CDH8: variants seen among roughly 807,000 people sequenced by gnomAD.
CDH8 encodes cadherin-8.
In CDH8, 17 loss-of-function variants were observed where a neutral mutation model predicts 68.1. The observed-to-expected ratio is 0.25, with a 90% CI of 0.17 to 0.37. The LOEUF is 0.37. CDH8 is among the 10% of genes least tolerant of loss of function. The pLI is 1.00. For missense variants in CDH8, 763 were observed against 999.3 expected, an observed-to-expected ratio of 0.76 and a Z score of 3.19; for synonymous variants, 372 against 365.1, an observed-to-expected ratio of 1.02 and a Z score of -0.21.
At chr16:61,907,500 G>C (rs1370450306) in intron 2 of CDH8, among the ~76,000 whole-genome samples, 3 of 151,924 alleles carry the variant, frequency 2.0e-5, no homozygotes, top group African/African-American at 7.3e-5. Context: ...GCAACAAAGT[G>C]AGACCCTGTA....
At chr16:61,848,385 G>A (rs1404029239) in intron 4 of CDH8, among the ~76,000 whole-genome samples, 2 of 152,012 alleles carry the variant, frequency 1.3e-5, no homozygotes, top group African/African-American at 4.8e-5. Context: ...CTCTAGCTAT[G>A]GTCAACACTG....
chr16:61,679,105 C>T (rs567914008), intron 10 of CDH8, among the ~76,000 whole-genome samples: 46 of 152,086 alleles, frequency 3.0e-4, no homozygotes, highest in Non-Finnish European at 4.6e-4. Flanking sequence ...ACAGAAGTGA[C>T]GTACGTCATT....
At position 61,999,421 on chromosome 16, in the gene CDH8, G is replaced by A. The variant is rs187083593; in HGVS notation, c.252+21731C>T. ...GAGTAAAAGGATCATGAAAATCATG[G>A]AAGTCACAGGCTACTTCCACACAGA... On this transcript the variant is annotated intron_variant, in intron 2 of 11. Coordinates refer to ENST00000577390, the MANE Select transcript of CDH8 (RefSeq NM_001796.5). 2.3e-3 allele frequency among the ~76,000 whole-genome samples: 351 copies of A among 152,222 alleles called. 1 individual carries two copies. The highest frequency in any genetic ancestry group is 8.0e-3 in the African/African-American group (333 of 41,536).
chr16:61,987,453 G>C (rs1965647914), intron 2 of CDH8, among the ~76,000 whole-genome samples: 2 of 152,158 alleles, frequency 1.3e-5, no homozygotes. Flanking sequence ...GTTGCAGTGA[G>C]CCAAGAACAC....
Position 61,817,563 on chromosome 16 carries a change from A to C in CDH8, c.1193T>G (p.Leu398Arg). Residue 398 changes from leucine to arginine, a missense_variant, in exon 7 of 12, where the codon CTT becomes CGT. By Grantham distance (102) the Leu-to-Arg change is moderately radical. This residue lies in a region of CDH8 where 366 missense variants were observed against 563.1 expected (regional missense o/e 0.65). Transcript: ENST00000577390. ...PPVFSSPTYL[L>R]EVHENAALNS... is the part of the protein sequence containing the mutation. Reference sequence around the variant, plus strand: ...TAGAGCAGCATTTTCATGAACTTCAAGTAGGTAAGTCGGTGAAGAGAAGAC... The same window carrying C: ...TAGAGCAGCATTTTCATGAACTTCACGTAGGTAAGTCGGTGAAGAGAAGAC... 6.2e-7 allele frequency: 1 copy of C among 1,614,012 alleles called. No individual in the cohort carries two copies. Among genetic ancestry groups the C allele is most frequent in the Non-Finnish European group, 8.5e-7 (1 of 1,179,948 alleles).
At position 61,651,300 on chromosome 16, in the gene CDH8, T is replaced by C. The variant is rs905641073; in HGVS notation, c.*2308A>G. The stretch of plus-strand genomic sequence containing the variant: ...TTAGACACTGTGCCAAGTCCTAGTA[T>C]ATTTTAAAGTCATGTTGGACCATCC... On this transcript the variant is annotated 3_prime_UTR_variant, in exon 12 of 12. Coordinates refer to ENST00000577390, the MANE Select transcript of CDH8 (RefSeq NM_001796.5). 2 of 152,168 alleles carry C rather than the reference T, an allele frequency of 1.3e-5. No individual in the cohort carries two copies. Among genetic ancestry groups the C allele is most frequent in the African/African-American group, 2.4e-5 (1 of 41,460 alleles). 9.4% of individuals were successfully genotyped at this position (152,168 alleles called of 1,614,324 possible). A position where few individuals can be genotyped will look rare whatever the true frequency, so the allele number is the denominator to read the frequency against.
Position 61,776,953 on chromosome 16 carries a change from T to A in CDH8, c.1414+12393A>T, listed in dbSNP as rs1846500281. ...TGCACATGCACCCCTGAACTTAAAA[T>A]AAAAATTTAAACACATTACCAATTT... On this transcript the variant is annotated intron_variant, in intron 8 of 11. Transcript: ENST00000577390. 1.3e-5 allele frequency among the ~76,000 whole-genome samples: 2 copies of A among 152,086 alleles called. 1 individual carries two copies. The highest frequency in any genetic ancestry group is 4.8e-5 in the African/African-American group (2 of 41,420).
chr16:61,875,315 C>T (rs1033203837), intron 3 of CDH8, among the ~76,000 whole-genome samples: 1 of 152,074 alleles, frequency 6.6e-6, no homozygotes, highest in African/African-American at 2.4e-5. Context: ...TAGAGCATTA[C>T]AATGACCCAC....
intron 1 of CDH8, among the ~76,000 whole-genome samples, chr16:62,030,036 G>A (rs1902287921): frequency 6.6e-6 from 1 of 152,112 alleles, no homozygotes. Context: ...CTGCCAATTA[G>A]ATTACACTGT....
intron 3 of CDH8, among the ~76,000 whole-genome samples, chr16:61,876,410 T>C (rs1313979194): frequency 6.6e-6 from 1 of 152,108 alleles, no homozygotes; most frequent in Non-Finnish European, 1.5e-5. Context: ...GATTAAAAGA[T>C]TTCTGGTTCT....
In CDH8 at chr16:61,653,947, A is replaced by C. The variant is rs1963385366; in HGVS notation, c.2061T>G (p.Asn687Lys). 5 of 1,614,146 alleles carry C rather than the reference A, an allele frequency of 3.1e-6. No homozygotes were observed. The East Asian group carries it at 1.1e-4, about 36-fold the overall frequency. The change falls in exon 12 of 12, where the codon AAT (asparagine) becomes AAG (lysine). Residue 687 changes from asparagine to lysine, a missense_variant. Asn to Lys is a moderately conservative substitution (Grantham distance 94). Coordinates refer to ENST00000577390, the MANE Select transcript of CDH8 (RefSeq NM_001796.5). ...GTAAAAATCCATTAATTCCATCTGG[A>C]TTTTGTAAAGTTGCAATGTCAAAAG... ...TEAFDIATLQNPDGINGFLPR... is the reference protein window; with the variant it reads ...TEAFDIATLQKPDGINGFLPR...
intron 3 of CDH8, among the ~76,000 whole-genome samples, chr16:61,868,074 A>G (rs1256892385): frequency 6.6e-6 from 1 of 152,164 alleles, no homozygotes; most frequent in African/African-American, 2.4e-5. Context: ...CTGATATGAA[A>G]TATTTATTCA....
intron 2 of CDH8, among the ~76,000 whole-genome samples, chr16:61,955,755 A>G (rs916263337): frequency 6.6e-6 from 1 of 152,160 alleles, no homozygotes; most frequent in African/African-American, 2.4e-5. Context: ...AACCAGCTCA[A>G]TTACAGTGCC....
At chr16:61,851,894 A>C (rs1200880269) in intron 4 of CDH8, among the ~76,000 whole-genome samples, 3 of 151,878 alleles carry the variant, frequency 2.0e-5, no homozygotes, top group African/African-American at 7.3e-5. Flanking sequence ...ATACTGCTTG[A>C]AAGTTAAGTG....
intron 3 of CDH8, among the ~76,000 whole-genome samples, chr16:61,864,994 CA>C (rs1444147883): frequency 1.3e-5 from 2 of 152,176 alleles, no homozygotes; most frequent in African/African-American, 4.8e-5. Flanking sequence ...ACATACCACA[CA>C]ATGGAATCCT....
At chr16:61,801,900 C>A (rs1240863513) in intron 7 of CDH8, among the ~76,000 whole-genome samples, 1 of 150,506 alleles carries the variant, frequency 6.6e-6, no homozygotes, top group African/African-American at 2.5e-5. Context: ...GGGGCGCCCG[C>A]CATTGCCCAG....
intron 7 of CDH8, 138 bp downstream of exon 7, chr16:61,817,341 C>CACACAG (rs544728188): frequency 4.1e-6 from 3 of 736,082 alleles, no homozygotes; most frequent in East Asian, 5.4e-5. Flanking sequence ...CACACACACA[C>CACACAG]AGTATGTGCC....
chr16:62,026,383 T>C (rs1902198520), intron 1 of CDH8, among the ~76,000 whole-genome samples: 1 of 152,202 alleles, frequency 6.6e-6, no homozygotes, highest in African/African-American at 2.4e-5. Context: ...GCAGTGCTGA[T>C]GCTACTTACT....
chr16:62,016,053 A>G (rs1354914030), intron 2 of CDH8, among the ~76,000 whole-genome samples: 1 of 152,134 alleles, frequency 6.6e-6, no homozygotes, highest in Non-Finnish European at 1.5e-5. Flanking sequence ...TCCTCTATCA[A>G]AAATGCTCTT....
Sources: allele counts gnomAD v4.1 joint callset (sites outside exome capture counted in the v4.1 genomes callset), GRCh38; gene constraint gnomAD v4.1.1; regional missense constraint gnomAD v4.1.1; transcripts MANE v1.5; gene names NCBI Gene and HGNC (gene_info 2026-07-23, HGNC 2026-07-21).